Variants in LRRFIP1 observed in about 807,000 individuals in gnomAD.
LRRFIP1 encodes the protein leucine-rich repeat flightless-interacting protein 1.
In LRRFIP1, 62 loss-of-function variants were observed where a neutral mutation model predicts 104.4. The observed-to-expected ratio is 0.59, with a 90% CI of 0.48 to 0.73. LRRFIP1 has a LOEUF of 0.73. Among genes scored for constraint, LRRFIP1 ranks in the 30% least tolerant of loss-of-function variants. The probability of loss-of-function intolerance (pLI) is 0.00; values close to 1 mark genes in which losing one functional copy is unlikely to be tolerated. For synonymous variants in LRRFIP1, 300 were observed against 299.0 expected (o/e 1.00, Z -0.03); for missense variants, 796 against 824.5 (o/e 0.97, Z 0.42).
chr2:237,740,227 A>G (rs943740439), intron 11 of LRRFIP1, among the ~76,000 whole-genome samples: 1 of 151,494 alleles, frequency 6.6e-6, no homozygotes, highest in Admixed American at 6.6e-5. Flanking sequence ...CCAACATAGC[A>G]AGACCCCCCA....
intron 1 of LRRFIP1, among the ~76,000 whole-genome samples, chr2:237,632,326 C>G (rs548428478): frequency 6.6e-6 from 1 of 152,318 alleles, no homozygotes; most frequent in East Asian, 1.9e-4. Flanking sequence ...CAAGATGCAA[C>G]CAATTCTGTG....
intron 1 of LRRFIP1, among the ~76,000 whole-genome samples, chr2:237,666,701 G>T (rs544489696): frequency 6.6e-6 from 1 of 152,258 alleles, no homozygotes; most frequent in South Asian, 2.1e-4. Flanking sequence ...TGTCCTTGAC[G>T]TCATAGAGTG....
In LRRFIP1 at chr2:237,711,930, C is replaced by T. The variant is rs992685916; in HGVS notation, c.184-2329C>T. 1.3e-5 allele frequency among the ~76,000 whole-genome samples: 2 copies of T among 152,228 alleles called. No individual in the cohort carries two copies. Among genetic ancestry groups the T allele is most frequent in the Admixed American group, 1.3e-4 (2 of 15,282 alleles). On this transcript the variant is annotated intron_variant, in intron 2 of 23. Coordinates refer to ENST00000308482, the MANE Select transcript of LRRFIP1 (RefSeq NM_001137550.2). The surrounding 1 kb of genome is among the most constrained non-coding windows in gnomAD (Gnocchi z 4.4). ...CGCGTTCCTAACGGCGGCAACGGTG[C>T]CTTCATGAATTTCGGGTCTTTGCAA... is the stretch of plus-strand genomic sequence containing the variant.
chr2:237,750,787 A>G (rs1038669398), intron 13 of LRRFIP1, among the ~76,000 whole-genome samples: 17 of 152,184 alleles, frequency 1.1e-4, no homozygotes, highest in African/African-American at 4.1e-4. Flanking sequence ...AATTTGGCAA[A>G]GTAGAGACTT....
chr2:237,732,385 C>T (rs991764239), intron 8 of LRRFIP1, among the ~76,000 whole-genome samples: 38 of 152,310 alleles, frequency 2.5e-4, no homozygotes, highest in African/African-American at 9.1e-4. Flanking sequence ...CTCCCACACC[C>T]CTGTCTGCCC....
In LRRFIP1 at chr2:237,756,190, A is replaced by G. The variant is rs776085995; in HGVS notation, c.1131+3A>G. 7.5e-6 allele frequency: 12 copies of G among 1,609,198 alleles called. No homozygotes were observed. In the Admixed American group the frequency reaches 1.0e-4, roughly 13 times the overall value. ...AGCAAAGAGAGGAAATGCTCGAGGT[A>G]GGTAGCATTCTCCTGCTTTTCTTTT... On this transcript the variant is annotated splice_donor_region_variant and intron_variant, in intron 16 of 23. Coordinates refer to ENST00000308482, the MANE Select transcript of LRRFIP1 (RefSeq NM_001137550.2).
intron 1 of LRRFIP1, among the ~76,000 whole-genome samples, chr2:237,650,871 C>T (rs542484230): frequency 1.3e-5 from 2 of 152,236 alleles, no homozygotes; most frequent in African/African-American, 4.8e-5. Context: ...TTGACCTGTG[C>T]CAGTGTGGGA....
chr2:237,695,569 G>T (rs2093121032), intron 1 of LRRFIP1, among the ~76,000 whole-genome samples: 1 of 152,200 alleles, frequency 6.6e-6, no homozygotes, highest in African/African-American at 2.4e-5. Context: ...ATATGCCAGT[G>T]CTTCCAGAAT....
chr2:237,741,145 G>A (rs2095404953), intron 11 of LRRFIP1, among the ~76,000 whole-genome samples: 1 of 152,228 alleles, frequency 6.6e-6, no homozygotes, highest in Non-Finnish European at 1.5e-5. Context: ...CGAGGCGGCA[G>A]CTACCATGCA....
chr2:237,737,701 G>A (rs962196514), intron 10 of LRRFIP1, among the ~76,000 whole-genome samples: 4 of 152,170 alleles, frequency 2.6e-5, no homozygotes, highest in South Asian at 2.1e-4. Flanking sequence ...TTAAAGTGTT[G>A]ACATTAAGTG....
chr2:237,776,921 T>C (rs2061144304), intron 23 of LRRFIP1, among the ~76,000 whole-genome samples: 2 of 152,220 alleles, frequency 1.3e-5, no homozygotes, highest in African/African-American at 4.8e-5. Context: ...ACCATCTGAC[T>C]GTGGATAACC....
chr2:237,754,639 A>G (rs2059054052), intron 15 of LRRFIP1, among the ~76,000 whole-genome samples: 1 of 152,220 alleles, frequency 6.6e-6, no homozygotes. Context: ...ACCCTTGACA[A>G]CCTTCAGGCC....
At chr2:237,634,646 G>A (rs1180563535) in intron 1 of LRRFIP1, among the ~76,000 whole-genome samples, 1 of 152,204 alleles carries the variant, frequency 6.6e-6, no homozygotes, top group East Asian at 1.9e-4. Context: ...GTAAATGCTG[G>A]TGATGATGAT....
intron 1 of LRRFIP1, among the ~76,000 whole-genome samples, chr2:237,632,393 G>A (rs978212805): frequency 9.2e-5 from 14 of 152,214 alleles, no homozygotes; most frequent in Non-Finnish European, 1.5e-4. Flanking sequence ...CTCCTGCCGA[G>A]ACCACCTCCC....
chr2:237,763,553 A>G (rs1369567932), intron 19 of LRRFIP1: 2 of 1,613,216 alleles, frequency 1.2e-6, no homozygotes, highest in Non-Finnish European at 1.7e-6. Context: ...GGTAAAGTCT[A>G]CTGACAGAAA....
At position 237,762,972 on chromosome 2, in the gene LRRFIP1, C is replaced by T. The variant is rs563306635; in HGVS notation, c.1459+2767C>T. 2.5e-6 allele frequency: 4 copies of T among 1,614,200 alleles called. No individual in the cohort carries two copies. The East Asian group carries it at 8.9e-5, about 36-fold the overall frequency. On this transcript the variant is annotated intron_variant, in intron 19 of 23. Transcript: ENST00000308482. ...AGTGACTTAGATGGTGGGAACCACA[C>T]AGAGAATGTGGGAGAGGCAGCAGTG...
At chr2:237,733,320 G>A (rs3754721) in intron 8 of LRRFIP1, among the ~76,000 whole-genome samples, 20,012 of 152,156 alleles carry the variant, frequency 0.13, 1,536 homozygotes, top group East Asian at 0.26. Context: ...GAAGACTGTC[G>A]CTGGGCCCCT....
At chr2:237,664,026 G>C (rs1483449879) in intron 1 of LRRFIP1, among the ~76,000 whole-genome samples, 1 of 152,104 alleles carries the variant, frequency 6.6e-6, no homozygotes, top group Admixed American at 6.5e-5. Context: ...GGCACTGGGA[G>C]GGAGGAGCAG....
At chr2:237,634,522 A>G (rs1372806763) in intron 1 of LRRFIP1, among the ~76,000 whole-genome samples, 1 of 152,194 alleles carries the variant, frequency 6.6e-6, no homozygotes. Flanking sequence ...CAGTTCCCCC[A>G]TAGGTAAGAT....
Sources: allele counts gnomAD v4.1 joint callset (sites outside exome capture counted in the v4.1 genomes callset), GRCh38; gene constraint gnomAD v4.1.1; non-coding constraint Gnocchi (gnomAD v3.1); transcripts MANE v1.5; gene names NCBI Gene and HGNC (gene_info 2026-07-23, HGNC 2026-07-21).